DORIP1: variants seen among roughly 807,000 people sequenced by gnomAD.
DORIP1 encodes the protein dopamine receptor-interacting protein 1.
the DORIP1 span, among the ~76,000 whole-genome samples, chr14:44,899,654 T>A: frequency 6.6e-6 from 1 of 152,060 alleles, no homozygotes; most frequent in Non-Finnish European, 1.5e-5. Flanking sequence ...TGGCTATTAT[T>A]CTGTACCCCC....
chr14:44,901,118 G>A, the DORIP1 span, among the ~76,000 whole-genome samples: 1 of 152,092 alleles, frequency 6.6e-6, no homozygotes, highest in Non-Finnish European at 1.5e-5. Flanking sequence ...ACCTTTCTAT[G>A]TTTAGGTACA....
chr14:44,905,414 A>C, the DORIP1 span: 2 of 1,565,454 alleles, frequency 1.3e-6, no homozygotes, highest in Non-Finnish European at 1.7e-6. Context: ...GAACATCATT[A>C]TTCTGCAGCT....
At chr14:44,900,104 A>C in the DORIP1 span, among the ~76,000 whole-genome samples, 1 of 152,124 alleles carries the variant, frequency 6.6e-6, no homozygotes, top group Non-Finnish European at 1.5e-5. Context: ...TACTGGGATT[A>C]CAGGTGTGAG....
At chr14:44,898,508 A>G in the DORIP1 span, among the ~76,000 whole-genome samples, 2 of 152,222 alleles carry the variant, frequency 1.3e-5, no homozygotes, top group Non-Finnish European at 2.9e-5. Context: ...TCTTTAAGCA[A>G]TCTTAAACCT....
the DORIP1 span, chr14:44,900,914 G>T: frequency 6.2e-7 from 1 of 1,609,594 alleles, no homozygotes; most frequent in Non-Finnish European, 8.5e-7. Context: ...AACTGGCGAT[G>T]CCCAACTCGA....
At chr14:44,904,628 C>T in the DORIP1 span, 1 of 1,190,966 alleles carries the variant, frequency 8.4e-7, no homozygotes, top group Non-Finnish European at 1.1e-6. Context: ...TTGTTGAAAA[C>T]AATCATATCT....
the DORIP1 span, chr14:44,900,379 A>G: frequency 7.4e-7 from 1 of 1,356,684 alleles, no homozygotes; most frequent in African/African-American, 1.5e-5. Context: ...CATATTATGC[A>G]TTTAATATAC....
At chr14:44,898,637 A>G in the DORIP1 span, among the ~76,000 whole-genome samples, 1 of 152,240 alleles carries the variant, frequency 6.6e-6, no homozygotes, top group Admixed American at 6.5e-5. Flanking sequence ...ACGAATCAGT[A>G]TCTATTACGA....
the DORIP1 span, among the ~76,000 whole-genome samples, chr14:44,901,332 T>C: frequency 1.3e-5 from 2 of 152,220 alleles, no homozygotes; most frequent in African/African-American, 4.8e-5. Flanking sequence ...TGTGTCCCCA[T>C]TGGATGACAA....
the DORIP1 span, chr14:44,906,060 T>C: frequency 6.7e-6 from 1 of 149,972 alleles, no homozygotes; most frequent in South Asian, 2.1e-4. Context: ...GATGGCTTAG[T>C]TTATTAGTTC....
the DORIP1 span, chr14:44,901,022 T>C: frequency 3.4e-6 from 5 of 1,481,018 alleles, no homozygotes; most frequent in Non-Finnish European, 4.5e-6. Flanking sequence ...GCTTTAGATA[T>C]GTAGTCGTGT....
At chr14:44,902,722 C>T in the DORIP1 span, among the ~76,000 whole-genome samples, 1 of 151,968 alleles carries the variant, frequency 6.6e-6, no homozygotes. Context: ...AAATATTTTT[C>T]ATCATACTCT....
chr14:44,900,927 G>A, the DORIP1 span: 3 of 1,603,886 alleles, frequency 1.9e-6, no homozygotes, highest in Admixed American at 1.7e-5. Flanking sequence ...CAACTCGAGT[G>A]CAGGAGGATC....
At chr14:44,903,752 T>C in the DORIP1 span, 1 of 965,860 alleles carries the variant, frequency 1.0e-6, no homozygotes, top group Non-Finnish European at 1.2e-6. Context: ...TATTGCTGAT[T>C]AATTACAAAA....
At chr14:44,901,364 T>C in the DORIP1 span, among the ~76,000 whole-genome samples, 2 of 152,198 alleles carry the variant, frequency 1.3e-5, no homozygotes, top group Non-Finnish European at 2.9e-5. Context: ...GCCAAAGTAT[T>C]TGTTAAAGTA....
chr14:44,903,092 T>G, the DORIP1 span: 1 of 689,444 alleles, frequency 1.5e-6, no homozygotes, highest in Non-Finnish European at 2.5e-6. Context: ...GTCATAAAGG[T>G]TATACTTGGT....
chr14:44,903,394 C>T, the DORIP1 span: 4 of 1,487,972 alleles, frequency 2.7e-6, no homozygotes, highest in East Asian at 6.9e-5. Context: ...ATCTTATTAA[C>T]CTAGTTTACT....
At chr14:44,900,369 C>T in the DORIP1 span, 1 of 1,294,244 alleles carries the variant, frequency 7.7e-7, no homozygotes, top group Non-Finnish European at 1.0e-6. Flanking sequence ...TTCGTTTAAA[C>T]ATATTATGCA....
chr14:44,898,691 C>T, the DORIP1 span, among the ~76,000 whole-genome samples: 1 of 151,942 alleles, frequency 6.6e-6, no homozygotes, highest in African/African-American at 2.4e-5. Context: ...TTTGCCACAC[C>T]CTCTTCTTCC....
Sources: gnomAD v4.1 joint callset for allele counts (sites outside exome capture counted in the v4.1 genomes callset) on GRCh38, gnomAD v4.1.1 for gene constraint, MANE v1.5 for transcripts, NCBI Gene and HGNC (gene_info 2026-07-23, HGNC 2026-07-21) for gene names.